The following FREM1 variants were observed in gnomAD, a reference collection of about 807,000 sequenced individuals.
FREM1 encodes FRAS1 related extracellular matrix 1.
A neutral mutation model predicts 210.1 loss-of-function variants in FREM1; 220 were observed. That is an observed-to-expected ratio of 1.05 (90% confidence interval 0.94 to 1.17). The LOEUF is 1.17. Among genes scored for constraint, FREM1 ranks in the 50% most tolerant of loss-of-function variants. The pLI, the probability that FREM1 is intolerant of heterozygous loss-of-function variation, is 0.00. For missense variants in FREM1, 3,454 were observed against 2,675.5 expected, an observed-to-expected ratio of 1.29 and a Z score of -6.42; for synonymous variants, 1,189 against 980.2, an observed-to-expected ratio of 1.21 and a Z score of -3.98.
At position 14,792,792 on chromosome 9, in the gene FREM1, A is replaced by T; in HGVS notation, c.3932T>A (p.Ile1311Asn). 6.2e-7 allele frequency: 1 copy of T among 1,609,010 alleles called. No individual in the cohort carries two copies. Among genetic ancestry groups the T allele is most frequent in the East Asian group, 2.2e-5 (1 of 44,794 alleles). ...GGGAAGCCTTTCAAATACATAGTAA[A>T]TCTTCTCCCTGGGTGAGTCTTCATC... ...AIDEDSPREK[I>N]YYVFERLPQN... Residue 1311 changes from isoleucine (I) to asparagine (N), a missense_variant, in exon 22 of 37, where the codon ATT (isoleucine) becomes AAT (asparagine). Coordinates refer to ENST00000380880, the MANE Select transcript of FREM1 (RefSeq NM_001379081.2).
rs537837579 is a variant in FREM1 at position 14,807,318 on chromosome 9, C to T, written c.3089-472G>A. On this transcript the variant is annotated intron_variant, in intron 17 of 36. Coordinates refer to ENST00000380880, the MANE Select transcript of FREM1 (RefSeq NM_001379081.2). ...GAGAGCTATTATGAATTGCTCATAA[C>T]GAAGAGTTTTTTCGTGGCTTGATGC... 5.8e-4 allele frequency among the ~76,000 whole-genome samples: 89 copies of T among 152,232 alleles called. No homozygotes were observed. In the South Asian group the frequency reaches 0.017, roughly 30 times the overall value.
At chr9:14,813,757 C>T (rs1011082180) in intron 15 of FREM1, among the ~76,000 whole-genome samples, 1 of 151,944 alleles carries the variant, frequency 6.6e-6, no homozygotes, top group Non-Finnish European at 1.5e-5. Context: ...AAAAGCATAT[C>T]TTCTAAAAGG....
chr9:14,857,778 G>C (rs1829061494), intron 4 of FREM1, 29 bp from the exon 5 acceptor site: 8 of 1,500,170 alleles, frequency 5.3e-6, no homozygotes, highest in East Asian at 2.3e-5. Flanking sequence ...GATTAAGAGA[G>C]TCACTTAAAC....
chr9:14,825,767 A>T (rs946593776), intron 10 of FREM1, among the ~76,000 whole-genome samples: 60 of 151,878 alleles, frequency 4.0e-4, no homozygotes, highest in African/African-American at 1.4e-3. Context: ...CATATAACAC[A>T]TCACCAAGTC....
intron 10 of FREM1, among the ~76,000 whole-genome samples, chr9:14,840,267 C>T (rs147746124): frequency 6.6e-6 from 1 of 152,170 alleles, no homozygotes; most frequent in African/African-American, 2.4e-5. Context: ...CATATACAGG[C>T]TATCTTCCAA....
chr9:14,876,637 A>C (rs1186355876), intron 1 of FREM1, among the ~76,000 whole-genome samples: 1 of 152,108 alleles, frequency 6.6e-6, no homozygotes, highest in Non-Finnish European at 1.5e-5. Context: ...TTCCCAAGTG[A>C]GGCAATGCCT....
intron 24 of FREM1, among the ~76,000 whole-genome samples, chr9:14,776,863 G>A (rs955933361): frequency 1.3e-5 from 2 of 152,086 alleles, no homozygotes; most frequent in Non-Finnish European, 2.9e-5. Context: ...AAAATATGAC[G>A]GGAGGCTCTA....
chr9:14,832,395 C>G lies in FREM1; in HGVS notation c.1882-7403G>C, dbSNP rs181837791. ...CTCACTGCAGCTAAAACAGGCAGCT[C>G]TGCACGCAGAAGAGAATTTTGGAGA... On this transcript the variant is annotated intron_variant, in intron 10 of 36. Coordinates refer to ENST00000380880, the MANE Select transcript of FREM1 (RefSeq NM_001379081.2). Among the ~76,000 whole-genome samples the G allele has an allele frequency of 2.0e-5, 3 of 152,294 alleles. No homozygotes were observed. The East Asian group carries it at 5.8e-4, about 29-fold the overall frequency.
At chr9:14,743,843 T>C (rs1841968667) in intron 35 of FREM1, among the ~76,000 whole-genome samples, 1 of 152,084 alleles carries the variant, frequency 6.6e-6, no homozygotes, top group African/African-American at 2.4e-5. Flanking sequence ...CTAGTTTAGA[T>C]AGCTTTTGAT....
intron 1 of FREM1, among the ~76,000 whole-genome samples, chr9:14,894,113 C>T (rs1221407134): frequency 1.3e-5 from 2 of 152,254 alleles, no homozygotes; most frequent in South Asian, 2.1e-4. Flanking sequence ...ACAACAGTGA[C>T]ATTTGGCTTA....
intron 10 of FREM1, among the ~76,000 whole-genome samples, chr9:14,826,500 G>A (rs1188240956): frequency 6.6e-6 from 1 of 152,124 alleles, no homozygotes; most frequent in African/African-American, 2.4e-5. Flanking sequence ...CTTTCCTCCT[G>A]TTTTATCCAG....
intron 20 of FREM1, among the ~76,000 whole-genome samples, chr9:14,798,178 G>A (rs10124784): frequency 0.1 from 15,236 of 152,124 alleles, 1,093 homozygotes; most frequent in African/African-American, 0.21. Flanking sequence ...CTACTAAAAT[G>A]CTAGAAGATG....
intron 1 of FREM1, among the ~76,000 whole-genome samples, chr9:14,891,547 C>A (rs1458538421): frequency 2.0e-5 from 3 of 152,100 alleles, no homozygotes; most frequent in African/African-American, 7.2e-5. Flanking sequence ...GGCAACACAG[C>A]AAGACCCTGC....
chr9:14,753,359 G>A (rs1386941618), intron 29 of FREM1, among the ~76,000 whole-genome samples: 1 of 152,172 alleles, frequency 6.6e-6, no homozygotes, highest in African/African-American at 2.4e-5. Context: ...TTGACTCTAA[G>A]GAATGATGAT....
intron 1 of FREM1, among the ~76,000 whole-genome samples, chr9:14,871,854 C>T (rs201435180): frequency 2.0e-5 from 3 of 152,034 alleles, no homozygotes; most frequent in African/African-American, 7.2e-5. Context: ...GGTGTAAGGA[C>T]GGGATCCAGT....
Position 14,842,385 on chromosome 9 carries a change from T to C in FREM1, c.1669A>G (p.Ile557Val). The C allele has an allele frequency of 1.2e-6, 2 of 1,612,976 alleles. No homozygotes were observed. The highest frequency in any genetic ancestry group is 1.1e-5 in the South Asian group (1 of 91,044). ...ASDVDASDDY[I>V]FFNITKPPQA... Reference sequence around the variant, plus strand: ...GGAGGCTTTGTGATATTGAAGAAGATGTAGTCATCACTGGCGTCCACATCT... The same window carrying C: ...GGAGGCTTTGTGATATTGAAGAAGACGTAGTCATCACTGGCGTCCACATCT... Residue 557 changes from isoleucine (I) to valine (V), a missense_variant, in exon 9 of 37, where the codon ATC becomes GTC. Ile to Val is a conservative substitution (Grantham distance 29). Coordinates refer to ENST00000380880, the MANE Select transcript of FREM1 (RefSeq NM_001379081.2).
chr9:14,877,573 G>C (rs188312267), intron 1 of FREM1, among the ~76,000 whole-genome samples: 4 of 152,008 alleles, frequency 2.6e-5, no homozygotes, highest in Middle Eastern at 6.8e-3. Flanking sequence ...AAAGGTGATG[G>C]GTGTCACTCC....
chr9:14,872,987 A>G (rs1588511471), intron 1 of FREM1, among the ~76,000 whole-genome samples: 1 of 151,002 alleles, frequency 6.6e-6, no homozygotes, highest in East Asian at 1.9e-4. Context: ...ATTTGCGTAT[A>G]TTGAACCAGC....
In FREM1 at chr9:14,747,735, T is replaced by A. The variant is rs112071417; in HGVS notation, c.5797-7A>T. On this transcript the variant is annotated splice_region_variant and splice_polypyrimidine_tract_variant and intron_variant, in intron 31 of 36. Transcript: ENST00000380880. ...AAACAGAGGATGGACGAACCTGAAA[T>A]TGACAGAGAACAAAATATGAACAGA... 1.4e-5 allele frequency: 22 copies of A among 1,529,688 alleles called. No homozygotes were observed. Among genetic ancestry groups the A allele is most frequent in the African/African-American group, 1.2e-4 (9 of 72,626 alleles). The allele number at this position is 1,529,688 out of a possible 1,614,324, so 94.8% of individuals were successfully genotyped here. A position where few individuals can be genotyped will look rare whatever the true frequency, so the allele number is the denominator to read the frequency against.
Sources: allele counts gnomAD v4.1 joint callset (sites outside exome capture counted in the v4.1 genomes callset), GRCh38; gene constraint gnomAD v4.1.1; transcripts MANE v1.5; gene names NCBI Gene and HGNC (gene_info 2026-07-23, HGNC 2026-07-21).